KLHL29: variants seen among roughly 807,000 people sequenced by gnomAD.
KLHL29 encodes kelch like family member 29.
Under a neutral mutation model 80.4 loss-of-function variants are expected in KLHL29, and 21 were observed. That is an observed-to-expected ratio of 0.26 (90% CI 0.19 to 0.38). KLHL29 has a LOEUF of 0.38. Among genes scored for constraint, KLHL29 ranks in the 10% least tolerant of loss-of-function variants. The pLI is 1.00. For missense variants in KLHL29, 867 were observed against 1,223.9 expected, an observed-to-expected ratio of 0.71 and a Z score of 4.35; for synonymous variants, 511 against 526.8, an observed-to-expected ratio of 0.97 and a Z score of 0.41.
rs923359542 is a variant in KLHL29 at position 23,385,302 on chromosome 2, CCCGGCT to C, written c.-628_-623del. 2.0e-5 allele frequency: 3 copies of C among 146,400 alleles called. No individual in the cohort carries two copies. Among genetic ancestry groups the C allele is most frequent in the African/African-American group, 7.4e-5 (3 of 40,490 alleles). The allele number at this position is 146,400 out of a possible 1,614,324, so 9.1% of individuals were successfully genotyped here. On this transcript the variant is annotated 5_prime_UTR_variant, in exon 1 of 14. Transcript: ENST00000486442. ...ATCTCGCCGCAGCTCCAGCCCCGGCCCCGGCTCCGCAGCGCCCGTCCGCAGCCCCGG... is the reference window on the plus strand; with the variant it reads ...ATCTCGCCGCAGCTCCAGCCCCGGCCCCGCAGCGCCCGTCCGCAGCCCCGG...
Position 23,457,310 on chromosome 2 carries a change from G to A in KLHL29, c.-153-18250G>A, listed in dbSNP as rs1406403382. On this transcript the variant is annotated intron_variant, in intron 1 of 13. Transcript: ENST00000486442. The surrounding 1 kb of genome is among the most constrained non-coding windows in gnomAD (Gnocchi z 4.3). ...GGTCTTTGGAGTCTGGAATGACTAAGGCAGGCCTTTCCTGTGAGAAGTGGT... is the reference window on the plus strand; with the variant it reads ...GGTCTTTGGAGTCTGGAATGACTAAAGCAGGCCTTTCCTGTGAGAAGTGGT... Among the ~76,000 whole-genome samples the A allele has an allele frequency of 3.3e-5, 5 of 152,228 alleles. No individual in the cohort carries two copies. The highest frequency in any genetic ancestry group is 7.3e-5 in the Non-Finnish European group (5 of 68,040).
At chr2:23,655,583 A>G (rs914278698) in intron 5 of KLHL29, among the ~76,000 whole-genome samples, 2 of 152,182 alleles carry the variant, frequency 1.3e-5, no homozygotes, top group Admixed American at 6.5e-5. Context: ...CCAAATCGGC[A>G]TAAATAGCTC....
intron 3 of KLHL29, among the ~76,000 whole-genome samples, chr2:23,594,762 T>A (rs1251108315): frequency 6.6e-6 from 1 of 152,230 alleles, no homozygotes; most frequent in African/African-American, 2.4e-5. Context: ...ATGTAGTGAA[T>A]GCTGCTCCCA....
chr2:23,590,657 G>A lies in KLHL29; in HGVS notation c.285+28176G>A, dbSNP rs1414124023. 3.3e-5 allele frequency among the ~76,000 whole-genome samples: 5 copies of A among 152,106 alleles called. No individual in the cohort carries two copies. The East Asian group carries it at 9.6e-4, about 29-fold the overall frequency. On this transcript the variant is annotated intron_variant, in intron 3 of 13. Coordinates refer to ENST00000486442, the MANE Select transcript of KLHL29 (RefSeq NM_052920.2). ...ACACAGAGGCTGCGGATCCATCCCC[G>A]AACTTCAGGGGCAGCTTCTGAAGTC...
chr2:23,671,882 A>G (rs991780554), intron 5 of KLHL29: 9 of 152,462 alleles, frequency 5.9e-5, no homozygotes, highest in Middle Eastern at 3.4e-3. Flanking sequence ...TGTCTCTGTG[A>G]CGGGCCTGGC....
In KLHL29 at chr2:23,422,231, GTGTT is replaced by G. The variant is rs1291585759; in HGVS notation, c.-154+36455_-154+36458del. Reference sequence around the variant, plus strand: ...GTGTGTCTATGTCTGTGTGTGTAGTGTGTTTGTGTGTGTGTTCATGTGTCTGTGT... The same window carrying G: ...GTGTGTCTATGTCTGTGTGTGTAGTGTGTGTGTGTGTTCATGTGTCTGTGT... On this transcript the variant is annotated intron_variant, in intron 1 of 13. Coordinates refer to ENST00000486442, the MANE Select transcript of KLHL29 (RefSeq NM_052920.2). Among the ~76,000 whole-genome samples the G allele has an allele frequency of 9.9e-5, 15 of 151,532 alleles. No individual in the cohort carries two copies. The South Asian group carries it at 1.9e-3, about 19-fold the overall frequency.
intron 1 of KLHL29, among the ~76,000 whole-genome samples, chr2:23,473,943 C>T (rs535431346): frequency 6.6e-6 from 1 of 152,236 alleles, no homozygotes; most frequent in Admixed American, 6.5e-5. Flanking sequence ...CCCACACGAC[C>T]TACTCCTCAT....
chr2:23,582,625 C>G (rs1668014675), intron 3 of KLHL29, among the ~76,000 whole-genome samples: 1 of 152,154 alleles, frequency 6.6e-6, no homozygotes, highest in South Asian at 2.1e-4. Flanking sequence ...GTGTTCCAAC[C>G]CTGTTCTTGG....
At chr2:23,656,885 CG>C (rs1670260925) in intron 5 of KLHL29, among the ~76,000 whole-genome samples, 1 of 145,906 alleles carries the variant, frequency 6.9e-6, no homozygotes, top group Non-Finnish European at 1.5e-5. Flanking sequence ...GGTGTTTCAT[CG>C]GTTTGGAACA....
At position 23,696,704 on chromosome 2, in the gene KLHL29, G is replaced by C; in HGVS notation, c.2105+191G>C. ...CAGGGTGTGGGATACAAGCAGATGG[G>C]ATGACATCTGTGTCACCTTTGCAGT... On this transcript the variant is annotated intron_variant, in intron 11 of 13. Transcript: ENST00000486442. The surrounding 1 kb of genome is among the most constrained non-coding windows in gnomAD (Gnocchi z 5.5). 3.7e-6 allele frequency: 2 copies of C among 542,030 alleles called. No homozygotes were observed. The highest frequency in any genetic ancestry group is 6.4e-6 in the Non-Finnish European group (2 of 310,172). 33.6% of individuals were successfully genotyped at this position (542,030 alleles called of 1,614,324 possible). A position where few individuals can be genotyped will look rare whatever the true frequency, so the allele number is the denominator to read the frequency against.
At chr2:23,603,790 C>T (rs1668633483) in intron 3 of KLHL29, among the ~76,000 whole-genome samples, 1 of 152,208 alleles carries the variant, frequency 6.6e-6, no homozygotes, top group Admixed American at 6.5e-5. Flanking sequence ...GGCCCTGGTG[C>T]AGCTGCATTC....
At chr2:23,629,919 G>A (rs1401918556) in intron 3 of KLHL29, among the ~76,000 whole-genome samples, 3 of 152,208 alleles carry the variant, frequency 2.0e-5, no homozygotes, top group Non-Finnish European at 4.4e-5. Context: ...CCGAGGAGAG[G>A]AGACACCAGC....
chr2:23,627,959 G>A (rs1669362184), intron 3 of KLHL29, among the ~76,000 whole-genome samples: 1 of 147,066 alleles, frequency 6.8e-6, no homozygotes, highest in Non-Finnish European at 1.5e-5. Context: ...CCAGGCTGGA[G>A]GGCAGTGGCA....
intron 2 of KLHL29, among the ~76,000 whole-genome samples, chr2:23,532,246 A>G (rs1306282781): frequency 3.3e-5 from 5 of 152,240 alleles, no homozygotes; most frequent in Admixed American, 6.5e-5. Context: ...GTGCTCAGAC[A>G]CTGAATTTGA....
At chr2:23,564,300 A>G (rs867702996) in intron 3 of KLHL29, among the ~76,000 whole-genome samples, 2 of 152,186 alleles carry the variant, frequency 1.3e-5, no homozygotes, top group African/African-American at 2.4e-5. Context: ...CCTGATCCCA[A>G]ACCACAGCCA....
At chr2:23,443,302 C>A (rs1158201770) in intron 1 of KLHL29, among the ~76,000 whole-genome samples, 2 of 152,202 alleles carry the variant, frequency 1.3e-5, no homozygotes, top group Non-Finnish European at 2.9e-5. Context: ...TAGGGACATT[C>A]TCCTGCTTTG....
At chr2:23,467,934 G>A (rs2103432921) in intron 1 of KLHL29, among the ~76,000 whole-genome samples, 1 of 151,824 alleles carries the variant, frequency 6.6e-6, no homozygotes, top group African/African-American at 2.4e-5. Context: ...CACTTCTTTG[G>A]CGGGGTGGTG....
At chr2:23,546,136 A>G (rs998629088) in intron 2 of KLHL29, among the ~76,000 whole-genome samples, 1 of 151,828 alleles carries the variant, frequency 6.6e-6, no homozygotes, top group Non-Finnish European at 1.5e-5. Context: ...CATCATCCCC[A>G]TTGTCCTTAG....
rs1254021961 is a variant in KLHL29 at position 23,682,642 on chromosome 2, C to CCACCTG, written c.941-1749_941-1744dup. 6.6e-6 allele frequency among the ~76,000 whole-genome samples: 1 copy of CCACCTG among 152,034 alleles called. No individual in the cohort carries two copies. Among genetic ancestry groups the CCACCTG allele is most frequent in the Non-Finnish European group, 1.5e-5 (1 of 67,980 alleles). On this transcript the variant is annotated intron_variant, in intron 5 of 13. Transcript: ENST00000486442. The surrounding 1 kb of genome is among the most constrained non-coding windows in gnomAD (Gnocchi z 4.1). ...TCCCTGTTGCCCATGGCCCTTTTGT[C>CCACCTG]CACCTGCACCTGCCCCCTCGTGCTC... is the stretch of plus-strand genomic sequence containing the variant.
Sources: allele counts gnomAD v4.1 joint callset (sites outside exome capture counted in the v4.1 genomes callset), GRCh38; gene constraint gnomAD v4.1.1; non-coding constraint Gnocchi (gnomAD v3.1); transcripts MANE v1.5; gene names NCBI Gene and HGNC (gene_info 2026-07-23, HGNC 2026-07-21).